BANK1: variants seen among roughly 807,000 people sequenced by gnomAD.
The protein encoded by BANK1 is B-cell scaffold protein with ankyrin repeats.
In BANK1, 95 loss-of-function variants were observed where a neutral mutation model predicts 94.5. The ratio of observed to expected loss-of-function variants is 1.00; its 90% confidence interval spans 0.85 to 1.19. The LOEUF (loss-of-function observed/expected upper bound fraction) is 1.19, where lower values mean the gene tolerates loss of function less well. Among genes scored for constraint, BANK1 ranks in the 50% most tolerant of loss-of-function variants. BANK1 has a pLI of 0.00. For synonymous variants in BANK1, 334 were observed against 308.4 expected (o/e 1.08, Z -0.87); for missense variants, 987 against 932.2 (o/e 1.06, Z -0.77).
At chr4:102,067,961 TCA>T (rs1340936450) in intron 13 of BANK1, among the ~76,000 whole-genome samples, 2 of 152,108 alleles carry the variant, frequency 1.3e-5, no homozygotes, top group Non-Finnish European at 2.9e-5. Context: ...CTAAAAGATT[TCA>T]GTCTTTTAGA....
intron 7 of BANK1, among the ~76,000 whole-genome samples, chr4:101,982,597 CA>C (rs1219771217): frequency 3.3e-5 from 5 of 151,870 alleles, no homozygotes; most frequent in Non-Finnish European, 7.4e-5. Context: ...TTTTATTCGG[CA>C]AAAGTACTTA....
At chr4:102,012,984 A>G (rs989449146) in intron 7 of BANK1, among the ~76,000 whole-genome samples, 1 of 152,068 alleles carries the variant, frequency 6.6e-6, no homozygotes, top group Non-Finnish European at 1.5e-5. Context: ...GAACAATTAT[A>G]TTGAGGTATT....
chr4:101,991,625 G>T (rs1463757318), intron 7 of BANK1, among the ~76,000 whole-genome samples: 1 of 152,172 alleles, frequency 6.6e-6, no homozygotes, highest in South Asian at 2.1e-4. Flanking sequence ...TTGTGGAACT[G>T]TATCTAATTC....
intron 7 of BANK1, among the ~76,000 whole-genome samples, chr4:102,015,955 A>G (rs1383573794): frequency 6.6e-6 from 1 of 152,180 alleles, no homozygotes; most frequent in Non-Finnish European, 1.5e-5. Flanking sequence ...ATAAAATAAA[A>G]CCTTAATGCA....
intron 1 of BANK1, among the ~76,000 whole-genome samples, chr4:101,801,345 T>G (rs1725349635): frequency 6.6e-6 from 1 of 152,238 alleles, no homozygotes. Flanking sequence ...TTTGTTGCAA[T>G]ATGGTTGCTA....
At chr4:101,793,046 A>T (rs1216839720) in intron 1 of BANK1, among the ~76,000 whole-genome samples, 1 of 152,220 alleles carries the variant, frequency 6.6e-6, no homozygotes, top group South Asian at 2.1e-4. Context: ...TTATTAAATC[A>T]CAGATTTTTC....
chr4:101,839,607 A>G (rs1216052889), intron 2 of BANK1, among the ~76,000 whole-genome samples: 1 of 152,198 alleles, frequency 6.6e-6, no homozygotes, highest in Non-Finnish European at 1.5e-5. Flanking sequence ...TTGAGAACCT[A>G]TATTTTTCAG....
chr4:102,009,474 C>T (rs1053508894), intron 7 of BANK1, among the ~76,000 whole-genome samples: 1 of 152,216 alleles, frequency 6.6e-6, no homozygotes, highest in African/African-American at 2.4e-5. Flanking sequence ...AATGCTGCCA[C>T]CCTGAGGCTT....
At chr4:101,978,856 A>T (rs1725229214) in intron 7 of BANK1, among the ~76,000 whole-genome samples, 1 of 152,056 alleles carries the variant, frequency 6.6e-6, no homozygotes, top group South Asian at 2.1e-4. Context: ...AACATCACCA[A>T]ATTTCAAAAA....
At chr4:101,916,904 G>T (rs570209741) in intron 6 of BANK1, among the ~76,000 whole-genome samples, 1 of 151,902 alleles carries the variant, frequency 6.6e-6, no homozygotes, top group South Asian at 2.1e-4. Context: ...AATGAAAATT[G>T]CCATGAAATG....
intron 2 of BANK1, among the ~76,000 whole-genome samples, chr4:101,830,564 A>G (rs368455347): frequency 1.3e-4 from 20 of 152,318 alleles, no homozygotes; most frequent in African/African-American, 3.6e-4. Context: ...AATATACTCT[A>G]GTGGTGTTAC....
At chr4:101,955,514 G>A (rs1724308167) in intron 7 of BANK1, among the ~76,000 whole-genome samples, 1 of 151,532 alleles carries the variant, frequency 6.6e-6, no homozygotes, top group Non-Finnish European at 1.5e-5. Flanking sequence ...CACTTAAGTT[G>A]TTATTCCATC....
rs150323048 is a variant in BANK1 at position 102,043,537 on chromosome 4, C to A, written c.1901-302C>A. Among the ~76,000 whole-genome samples the A allele has an allele frequency of 4.9e-4, 75 of 152,118 alleles. 1 individual carries two copies. In the East Asian group the frequency reaches 0.014, roughly 29 times the overall value. ...ATTTTAACATTTATCGCTTTTAACA[C>A]AATGCAGCTTTTATTCTTACCTGAT... On this transcript the variant is annotated intron_variant, in intron 10 of 16. Transcript: ENST00000322953.
At chr4:101,964,843 C>T (rs1298587713) in intron 7 of BANK1, among the ~76,000 whole-genome samples, 1 of 151,062 alleles carries the variant, frequency 6.6e-6, no homozygotes, top group Non-Finnish European at 1.5e-5. Flanking sequence ...TATACATGTG[C>T]CATGCTGGTG....
chr4:102,004,628 G>A (rs1212719127), intron 7 of BANK1, among the ~76,000 whole-genome samples: 2 of 152,170 alleles, frequency 1.3e-5, no homozygotes, highest in African/African-American at 4.8e-5. Flanking sequence ...GCCTCATAAA[G>A]TCATAGTTAA....
intron 2 of BANK1, among the ~76,000 whole-genome samples, chr4:101,835,529 A>T (rs1055825949): frequency 7.2e-5 from 11 of 152,210 alleles, no homozygotes; most frequent in African/African-American, 2.7e-4. Flanking sequence ...AGGATTTCAA[A>T]TTTTTAGCTT....
At chr4:101,965,048 G>A (rs1578425042) in intron 7 of BANK1, among the ~76,000 whole-genome samples, 1 of 150,982 alleles carries the variant, frequency 6.6e-6, no homozygotes, top group South Asian at 2.1e-4. Context: ...AGTTTACTGA[G>A]AATGATGATT....
At chr4:101,944,795 T>C (rs187086117) in intron 7 of BANK1, among the ~76,000 whole-genome samples, 1 of 152,068 alleles carries the variant, frequency 6.6e-6, no homozygotes, top group East Asian at 1.9e-4. Context: ...AAGAGCTGAA[T>C]GCAGTTGTGT....
Position 101,829,986 on chromosome 4 carries a change from G to A in BANK1, c.249G>A (p.Leu83=). The change falls in exon 2 of 17, where the codon TTG becomes TTA. Residue 83 remains leucine, a synonymous_variant. Transcript: ENST00000322953. ...LNLTSYKCKL[L]ILSNSLLRDL... ...TAACGTCTTACAAATGTAAACTTTT[G>A]ATATTATCAAATAGCCTGCTTAGAG... 1 of 1,613,332 alleles carries A rather than the reference G, an allele frequency of 6.2e-7. No homozygotes were observed. The highest frequency in any genetic ancestry group is 8.5e-7 in the Non-Finnish European group (1 of 1,179,766).
Sources: gnomAD v4.1 joint callset for allele counts (sites outside exome capture counted in the v4.1 genomes callset) on GRCh38, gnomAD v4.1.1 for gene constraint, MANE v1.5 for transcripts, NCBI Gene and HGNC (gene_info 2026-07-23, HGNC 2026-07-21) for gene names.